SPHK1: variants seen among roughly 807,000 people sequenced by gnomAD.
SPHK1 encodes the protein SK 1.
In SPHK1, 10 loss-of-function variants were observed where a neutral mutation model predicts 14.6. That is an observed-to-expected ratio of 0.68 (90% confidence interval 0.42 to 1.16). SPHK1 has a LOEUF of 1.16. Ranked by LOEUF, SPHK1 falls within the 50% of genes most tolerant of loss-of-function variation. The probability of loss-of-function intolerance (pLI) is 0.00; values close to 1 mark genes in which losing one functional copy is unlikely to be tolerated. For synonymous variants in SPHK1, 274 were observed against 224.0 expected (o/e 1.22, Z -1.99); for missense variants, 553 against 525.4 (o/e 1.05, Z -0.51).
rs1166915459 is a variant in SPHK1 at position 76,385,638 on chromosome 17, C to A, written c.-7C>A. 18 of 1,537,832 alleles carry A rather than the reference C, an allele frequency of 1.2e-5. No individual in the cohort carries two copies. The highest frequency in any genetic ancestry group is 1.7e-4 in the Middle Eastern group (1 of 5,972). On this transcript the variant is annotated 5_prime_UTR_variant, in exon 2 of 6. Coordinates refer to ENST00000592299, the MANE Select transcript of SPHK1 (RefSeq NM_001142601.2). This position sits in a 1 kb window ranked among gnomAD's most constrained non-coding sequence, Gnocchi z 5.3. ...CCCCCTGGCAGCGGGAGCCGCGGGTCGAGGTTATGGATCCAGGTTTGTGGG... is the reference window on the plus strand; with the variant it reads ...CCCCCTGGCAGCGGGAGCCGCGGGTAGAGGTTATGGATCCAGGTTTGTGGG...
In SPHK1 at chr17:76,387,635, C is replaced by T. The variant is rs1415666223; in HGVS notation, c.*49C>T. On this transcript the variant is annotated 3_prime_UTR_variant, in exon 6 of 6. Coordinates refer to ENST00000592299, the MANE Select transcript of SPHK1 (RefSeq NM_001142601.2). This position sits in a 1 kb window ranked among gnomAD's most constrained non-coding sequence, Gnocchi z 4.1. ...GTGTCTACTTGCAGGACCCTTCCTC[C>T]TTCCCTAGGGCTGCAGGGCCTGTCC... The T allele has an allele frequency of 1.3e-6, 2 of 1,523,738 alleles. No homozygotes were observed. Among genetic ancestry groups the T allele is most frequent in the Non-Finnish European group, 8.8e-7 (1 of 1,139,094 alleles). 94.4% of individuals were successfully genotyped at this position (1,523,738 alleles called of 1,614,324 possible).
At position 76,385,537 on chromosome 17, in the gene SPHK1, G is replaced by A. The variant is rs755938715; in HGVS notation, c.-108G>A. 5.9e-5 allele frequency: 91 copies of A among 1,538,786 alleles called. No individual in the cohort carries two copies. Among genetic ancestry groups the A allele is most frequent in the Admixed American group, 3.9e-5 (2 of 51,598 alleles). ...CGAGCCCCACAGCCGGCCCTGCGAC[G>A]CCCGCCTGGGCAGCACCGATAAGGA... On this transcript the variant is annotated 5_prime_UTR_variant, in exon 2 of 6. Transcript: ENST00000592299. The surrounding 1 kb of genome is among the most constrained non-coding windows in gnomAD (Gnocchi z 5.3).
Position 76,386,385 on chromosome 17 carries a change from T to C in SPHK1, c.259-8T>C, listed in dbSNP as rs2071983960. The C allele has an allele frequency of 3.7e-6, 6 of 1,609,656 alleles. No individual in the cohort carries two copies. The East Asian group carries it at 1.3e-4, about 36-fold the overall frequency. On this transcript the variant is annotated splice_region_variant and splice_polypyrimidine_tract_variant and intron_variant, in intron 4 of 5. Coordinates refer to ENST00000592299, the MANE Select transcript of SPHK1 (RefSeq NM_001142601.2). The surrounding 1 kb of genome is among the most constrained non-coding windows in gnomAD (Gnocchi z 5.3). ...CGTCCCAGGCTGAGGCCACGTGTGC[T>C]TCAACAGGTGGTGAACGGGCTCATG...
chr17:76,385,007 C>A lies in SPHK1; in HGVS notation c.-195+201C>A. On this transcript the variant is annotated intron_variant, in intron 1 of 5. Transcript: ENST00000592299. This position sits in a 1 kb window ranked among gnomAD's most constrained non-coding sequence, Gnocchi z 5.3. ...CGCAACGGAGCGGGGCCCTGAGAAG[C>A]GCGCGCCGCGGCTCCCACCGCTCTG... The A allele has an allele frequency of 7.2e-7, 1 of 1,397,896 alleles. No individual in the cohort carries two copies. The highest frequency in any genetic ancestry group is 9.6e-7 in the Non-Finnish European group (1 of 1,036,516). The allele number at this position is 1,397,896 out of a possible 1,614,324, so 86.6% of individuals were successfully genotyped here. A position where few individuals can be genotyped will look rare whatever the true frequency, so the allele number is the denominator to read the frequency against.
rs1490586641 is a variant in SPHK1 at position 76,386,215 on chromosome 17, C to G, written c.164-6C>G. ...CCAGTCCTGATAGCTGCCGGTCTCC[C>G]TGCAGAGCGGCGGAACCACGCGCGG... On this transcript the variant is annotated splice_region_variant and splice_polypyrimidine_tract_variant and intron_variant, in intron 3 of 5. Transcript: ENST00000592299. The surrounding 1 kb of genome is among the most constrained non-coding windows in gnomAD (Gnocchi z 5.3). The G allele has an allele frequency of 3.8e-6, 6 of 1,595,976 alleles. No individual in the cohort carries two copies. In the Admixed American group the frequency reaches 1.0e-4, roughly 27 times the overall value.
rs1266927045 is a variant in SPHK1 at position 76,386,129 on chromosome 17, T to A, written c.155T>A (p.Met52Lys). 2 of 1,593,514 alleles carry A rather than the reference T, an allele frequency of 1.3e-6. No homozygotes were observed. Among genetic ancestry groups the A allele is most frequent in the Non-Finnish European group, 1.7e-6 (2 of 1,168,724 alleles). ...GAGGCTGAAATCTCCTTCACGCTGA[T>A]GCTCACTGGTGAGTACCTCTCGGAG... ...LAEAEISFTL[M>K]LTERRNHARE... Residue 52 changes from methionine (M) to lysine (K), a missense_variant, in exon 3 of 6, where the codon ATG becomes AAG. Physicochemically the swap from Met to Lys is moderately conservative, Grantham distance 95. Transcript: ENST00000592299. The surrounding 1 kb of genome is among the most constrained non-coding windows in gnomAD (Gnocchi z 5.3).
chr17:76,384,382 C>T (rs2071921394), upstream of SPHK1: 1 of 150,786 alleles, frequency 6.6e-6, no homozygotes, highest in African/African-American at 2.4e-5. Context: ...TCAGCTCACC[C>T]GGCCAGGTCG....
upstream of SPHK1, chr17:76,383,345 C>T (rs2071898101): frequency 6.5e-6 from 1 of 154,356 alleles, no homozygotes; most frequent in East Asian, 1.9e-4. Flanking sequence ...CCCCGACCCG[C>T]CCGGGGACTC....
chr17:76,385,248 G>A lies in SPHK1; in HGVS notation c.-194-203G>A, dbSNP rs982704186. Reference sequence around the variant, plus strand: ...CCGGAACCGAACCCCAAGCCCCAGGGAGAAAGCCCCGGAGCAGGCGCCCTT... The same window carrying A: ...CCGGAACCGAACCCCAAGCCCCAGGAAGAAAGCCCCGGAGCAGGCGCCCTT... On this transcript the variant is annotated intron_variant, in intron 1 of 5. Coordinates refer to ENST00000592299, the MANE Select transcript of SPHK1 (RefSeq NM_001142601.2). This position sits in a 1 kb window ranked among gnomAD's most constrained non-coding sequence, Gnocchi z 5.3. The A allele has an allele frequency of 5.9e-6, 9 of 1,528,264 alleles. No individual in the cohort carries two copies. In the Admixed American group the frequency reaches 1.7e-4, roughly 29 times the overall value. 94.7% of individuals were successfully genotyped at this position (1,528,264 alleles called of 1,614,324 possible).
At chr17:76,383,650 TC>T, upstream of SPHK1, 2 of 355,688 alleles carry the variant, frequency 5.6e-6, no homozygotes, top group South Asian at 4.0e-5. Flanking sequence ...GGCAACTTCT[TC>T]CTCCGTCTCC....
rs1598569464 is a variant in SPHK1 at position 76,386,476 on chromosome 17, C to T, written c.342C>T (p.Asn114=). Residue 114 remains asparagine, a synonymous_variant, in exon 5 of 6, where the codon AAC becomes AAT. Coordinates refer to ENST00000592299, the MANE Select transcript of SPHK1 (RefSeq NM_001142601.2). This position sits in a 1 kb window ranked among gnomAD's most constrained non-coding sequence, Gnocchi z 5.3. ...GTAGCCTCCCAGCAGGCTCTGGCAA[C>T]GCGCTGGCAGCTTCCTTGAACCATT... ...PLCSLPAGSG[N]ALAASLNHYA... 1 of 1,612,876 alleles carries T rather than the reference C, an allele frequency of 6.2e-7. No homozygotes were observed. The highest frequency in any genetic ancestry group is 8.5e-7 in the Non-Finnish European group (1 of 1,179,958).
chr17:76,387,149 C>T lies in SPHK1; in HGVS notation c.718C>T (p.Pro240Ser). The T allele has an allele frequency of 1.2e-6, 2 of 1,613,164 alleles. No homozygotes were observed. The highest frequency in any genetic ancestry group is 2.2e-5 in the East Asian group (1 of 44,872). ...QQGPVDAHLV[P>S]LEEPVPSHWT... ...GGGCCCGGTAGATGCACACCTTGTGCCACTGGAGGAGCCAGTGCCCTCTCA... is the reference window on the plus strand; with the variant it reads ...GGGCCCGGTAGATGCACACCTTGTGTCACTGGAGGAGCCAGTGCCCTCTCA... The change falls in exon 6 of 6, where the codon CCA becomes TCA. Residue 240 changes from proline (P) to serine (S), a missense_variant. Coordinates refer to ENST00000592299, the MANE Select transcript of SPHK1 (RefSeq NM_001142601.2). The surrounding 1 kb of genome is among the most constrained non-coding windows in gnomAD (Gnocchi z 4.1).
In SPHK1 at chr17:76,385,314, C is replaced by T; in HGVS notation, c.-194-137C>T. ...CTTAGTCACACGGCGGGGGCGCCCT[C>T]GGAGGCACCGGACCTCAGCTCTCTG... On this transcript the variant is annotated intron_variant, in intron 1 of 5. Coordinates refer to ENST00000592299, the MANE Select transcript of SPHK1 (RefSeq NM_001142601.2). This position sits in a 1 kb window ranked among gnomAD's most constrained non-coding sequence, Gnocchi z 5.3. 6.9e-7 allele frequency: 1 copy of T among 1,455,666 alleles called. No homozygotes were observed. Among genetic ancestry groups the T allele is most frequent in the Non-Finnish European group, 9.1e-7 (1 of 1,104,580 alleles). The allele number at this position is 1,455,666 out of a possible 1,614,324, so 90.2% of individuals were successfully genotyped here. A position where few individuals can be genotyped will look rare whatever the true frequency, so the allele number is the denominator to read the frequency against.
In SPHK1 at chr17:76,386,077, C is replaced by T. The variant is rs541550244; in HGVS notation, c.103C>T (p.Arg35Trp). ...CAAGGGCAAGGCCTTGCAGCTCTTC[C>T]GGAGTCACGTGCAGCCCCTTTTGGC... ...GGKGKALQLF[R>W]SHVQPLLAEA... The change falls in exon 3 of 6, where the codon CGG (arginine) becomes TGG (tryptophan). Residue 35 changes from arginine to tryptophan, a missense_variant. Coordinates refer to ENST00000592299, the MANE Select transcript of SPHK1 (RefSeq NM_001142601.2). The surrounding 1 kb of genome is among the most constrained non-coding windows in gnomAD (Gnocchi z 5.3). 3.7e-6 allele frequency: 6 copies of T among 1,606,740 alleles called. No individual in the cohort carries two copies. Among genetic ancestry groups the T allele is most frequent in the South Asian group, 2.2e-5 (2 of 90,996 alleles).
chr17:76,387,481 G>C lies in SPHK1; in HGVS notation c.1050G>C (p.Val350=). Residue 350 remains valine (V), a synonymous_variant, in exon 6 of 6, where the codon GTG becomes GTC. Coordinates refer to ENST00000592299, the MANE Select transcript of SPHK1 (RefSeq NM_001142601.2). This position sits in a 1 kb window ranked among gnomAD's most constrained non-coding sequence, Gnocchi z 4.1. ...GGGAATTGATGGTTAGCGAGGCCGT[G>C]CAGGGCCAGGTGCACCCAAACTACT... ...VDGELMVSEA[V]QGQVHPNYFW... is the part of the protein sequence containing the mutation. 1 of 1,613,426 alleles carries C rather than the reference G, an allele frequency of 6.2e-7. No homozygotes were observed. Among genetic ancestry groups the C allele is most frequent in the Non-Finnish European group, 8.5e-7 (1 of 1,179,998 alleles).
Position 76,387,332 on chromosome 17 carries a change from C to T in SPHK1, c.901C>T (p.Arg301Cys), listed in dbSNP as rs767050341. The change falls in exon 6 of 6, where the codon CGC (arginine) becomes TGC (cysteine). Residue 301 changes from arginine (R) to cysteine (C), a missense_variant. Arg to Cys is a radical substitution (Grantham distance 180). Coordinates refer to ENST00000592299, the MANE Select transcript of SPHK1 (RefSeq NM_001142601.2). This position sits in a 1 kb window ranked among gnomAD's most constrained non-coding sequence, Gnocchi z 4.1. ...GGGAGTGTCTCGTGCCATGCTGCTG[C>T]GCCTCTTCCTGGCCATGGAGAAGGG... ...RAGVSRAMLL[R>C]LFLAMEKGRH... The T allele has an allele frequency of 1.7e-5, 27 of 1,613,630 alleles. No homozygotes were observed. The highest frequency in any genetic ancestry group is 3.3e-5 in the Admixed American group (2 of 59,992).
chr17:76,384,381 C>G (rs1414849105), upstream of SPHK1: 2 of 150,894 alleles, frequency 1.3e-5, no homozygotes, highest in East Asian at 1.9e-4. Flanking sequence ...CTCAGCTCAC[C>G]CGGCCAGGTC....
In SPHK1 at chr17:76,387,017, A is replaced by C. The variant is rs1598570433; in HGVS notation, c.586A>C (p.Thr196Pro). ...RLGEMRFTLG[T>P]FLRLAALRTY... ...GGGGGAGATGCGCTTCACTCTGGGC[A>C]CCTTCCTGCGTCTGGCAGCCCTGCG... is the stretch of plus-strand genomic sequence containing the variant. The change falls in exon 6 of 6, where the codon ACC becomes CCC. Residue 196 changes from threonine to proline, a missense_variant. Transcript: ENST00000592299. This position sits in a 1 kb window ranked among gnomAD's most constrained non-coding sequence, Gnocchi z 4.1. 6.2e-7 allele frequency: 1 copy of C among 1,613,508 alleles called. No homozygotes were observed. Among genetic ancestry groups the C allele is most frequent in the Non-Finnish European group, 8.5e-7 (1 of 1,179,974 alleles).
chr17:76,385,598 C>T lies in SPHK1; in HGVS notation c.-47C>T. 1 of 1,540,420 alleles carries T rather than the reference C, an allele frequency of 6.5e-7. No individual in the cohort carries two copies. The highest frequency in any genetic ancestry group is 8.7e-7 in the Non-Finnish European group (1 of 1,148,864). ...GGAGCCGCCGCCACGGGCAGCGCCC[C>T]CACAGCGCCAGGGACCCCCTGGCAG... On this transcript the variant is annotated 5_prime_UTR_variant, in exon 2 of 6. Coordinates refer to ENST00000592299, the MANE Select transcript of SPHK1 (RefSeq NM_001142601.2). The surrounding 1 kb of genome is among the most constrained non-coding windows in gnomAD (Gnocchi z 5.3).
Sources: allele counts gnomAD v4.1 joint callset, GRCh38; gene constraint gnomAD v4.1.1; non-coding constraint Gnocchi (gnomAD v3.1); transcripts MANE v1.5; gene names NCBI Gene and HGNC (gene_info 2026-07-23, HGNC 2026-07-21).